The following PSKH2 variants were observed in gnomAD, a reference collection of about 807,000 sequenced individuals.
PSKH2 encodes serine/threonine-protein kinase H2.
A neutral mutation model predicts 22.5 loss-of-function variants in PSKH2; 16 were observed. The observed-to-expected ratio is 0.71, with a 90% CI of 0.48 to 1.08. The LOEUF (loss-of-function observed/expected upper bound fraction) is 1.08. Ranked by LOEUF, PSKH2 falls within the 50% of genes least tolerant of loss-of-function variation. The pLI is 0.00. For synonymous variants in PSKH2, 188 were observed against 184.8 expected (o/e 1.02, Z -0.14); for missense variants, 516 against 492.8 (o/e 1.05, Z -0.44).
Position 86,069,603 on chromosome 8 carries a change from C to A in PSKH2, c.20G>T (p.Arg7Met). 1 of 1,592,146 alleles carries A rather than the reference C, an allele frequency of 6.3e-7. No homozygotes were observed. The highest frequency in any genetic ancestry group is 8.5e-7 in the Non-Finnish European group (1 of 1,171,822). MGCGAS[R>M]KVVPGPPALA... Reference sequence around the variant, plus strand: ...CGCTGGTGGCCCCGGGACCACCTTCCTGCTGGCGCCGCACCCCATACCCGC... The same window carrying A: ...CGCTGGTGGCCCCGGGACCACCTTCATGCTGGCGCCGCACCCCATACCCGC... Residue 7 changes from arginine to methionine, a missense_variant, in exon 1 of 3, where the codon AGG (arginine) becomes ATG (methionine). By Grantham distance (91) the Arg-to-Met change is moderately conservative. Coordinates refer to ENST00000276616, the MANE Select transcript of PSKH2 (RefSeq NM_033126.3).
intron 2 of PSKH2, among the ~76,000 whole-genome samples, chr8:86,059,106 A>AT (rs565105658): frequency 1.2e-3 from 183 of 152,066 alleles, no homozygotes; most frequent in African/African-American, 4.3e-3. Flanking sequence ...TGTGTGGCTA[A>AT]TTTTTTGTAT....
At chr8:86,061,515 G>GTGCTATTTT (rs1379280205) in intron 2 of PSKH2, among the ~76,000 whole-genome samples, 2 of 152,052 alleles carry the variant, frequency 1.3e-5, no homozygotes, top group Non-Finnish European at 2.9e-5. Context: ...ACATGGAGCT[G>GTGCTATTTT]TGCTATTTTC....
At chr8:86,058,316 C>T (rs1817732333) in intron 2 of PSKH2, among the ~76,000 whole-genome samples, 2 of 152,184 alleles carry the variant, frequency 1.3e-5, no homozygotes, top group Admixed American at 1.3e-4. Flanking sequence ...CCAGTGAATA[C>T]AGTAGATGTA....
chr8:86,050,972 C>G (rs1384364546), intron 2 of PSKH2, among the ~76,000 whole-genome samples: 1 of 152,136 alleles, frequency 6.6e-6, no homozygotes, highest in Non-Finnish European at 1.5e-5. Context: ...TGAACTCCTC[C>G]TGGTCTCAAG....
At chr8:86,062,115 C>T (rs773615878) in intron 2 of PSKH2, among the ~76,000 whole-genome samples, 16 of 152,170 alleles carry the variant, frequency 1.1e-4, no homozygotes, top group East Asian at 7.7e-4. Context: ...TTTTCCCACA[C>T]GAATGTGATC....
chr8:86,052,319 C>T (rs984867500), intron 2 of PSKH2, among the ~76,000 whole-genome samples: 2 of 152,128 alleles, frequency 1.3e-5, no homozygotes, highest in African/African-American at 4.8e-5. Flanking sequence ...CTTTGTTTGG[C>T]GTTTCTCGAC....
intron 2 of PSKH2, among the ~76,000 whole-genome samples, chr8:86,061,738 G>A (rs1008731754): frequency 4.6e-5 from 7 of 152,094 alleles, no homozygotes; most frequent in African/African-American, 7.2e-5. Context: ...CCAGCCATCC[G>A]CACCAAGATG....
In PSKH2 at chr8:86,064,312, C is replaced by T. The variant is rs1265034598; in HGVS notation, c.505G>A (p.Asp169Asn). ...AGCGCATGCAAATACCTAATCCCAT[C>T]AGCAACCATCTGGAGGATCCTGACG... ...DAVRILQMVA[D>N]GIRYLHALQI... The change falls in exon 2 of 3, where the codon GAT (aspartate) becomes AAT (asparagine). Residue 169 changes from aspartate to asparagine, a missense_variant. Asp to Asn is a conservative substitution (Grantham distance 23, BLOSUM62 1). Coordinates refer to ENST00000276616, the MANE Select transcript of PSKH2 (RefSeq NM_033126.3). 1.9e-6 allele frequency: 3 copies of T among 1,614,148 alleles called. No homozygotes were observed. Among genetic ancestry groups the T allele is most frequent in the Non-Finnish European group, 2.5e-6 (3 of 1,180,020 alleles).
Position 86,064,561 on chromosome 8 carries a change from T to G in PSKH2, c.256A>C (p.Lys86Gln). ...RVVRVEQKTTKKPFAIKVMET... is the reference protein window; with the variant it reads ...RVVRVEQKTTQKPFAIKVMET... The stretch of plus-strand genomic sequence containing the variant: ...ATCACTTTTATTGCAAAAGGTTTCT[T>G]GGTGGTCTTCTGCTCTACCCTGACA... Residue 86 changes from lysine (K) to glutamine (Q), a missense_variant, in exon 2 of 3, where the codon AAG becomes CAG. Lys to Gln is a moderately conservative substitution (Grantham distance 53). Coordinates refer to ENST00000276616, the MANE Select transcript of PSKH2 (RefSeq NM_033126.3). 1.2e-6 allele frequency: 2 copies of G among 1,613,968 alleles called. No individual in the cohort carries two copies. Among genetic ancestry groups the G allele is most frequent in the Non-Finnish European group, 1.7e-6 (2 of 1,179,962 alleles).
At position 86,064,520 on chromosome 8, in the gene PSKH2, C is replaced by T; in HGVS notation, c.297G>A (p.Arg99=). 1 of 1,614,042 alleles carries T rather than the reference C, an allele frequency of 6.2e-7. No homozygotes were observed. The highest frequency in any genetic ancestry group is 8.5e-7 in the Non-Finnish European group (1 of 1,180,022). The change falls in exon 2 of 3, where the codon AGG becomes AGA. Residue 99 remains arginine (R), a synonymous_variant. Coordinates refer to ENST00000276616, the MANE Select transcript of PSKH2 (RefSeq NM_033126.3). ...FAIKVMETRE[R]EGREACVSEL... ...CAGACACGCACGCTTCTCTACCTTCCCTCTCTCTGGTTTCCATCACTTTTA... is the reference window on the plus strand; with the variant it reads ...CAGACACGCACGCTTCTCTACCTTCTCTCTCTCTGGTTTCCATCACTTTTA...
chr8:86,056,905 T>G (rs1817703878), intron 2 of PSKH2, among the ~76,000 whole-genome samples: 1 of 38,644 alleles, frequency 2.6e-5, no homozygotes, highest in Admixed American at 2.2e-4. Flanking sequence ...GTAGTTGGAG[T>G]TTTTTTTTTT....
chr8:86,049,832 C>CAG (rs981280739), intron 2 of PSKH2, among the ~76,000 whole-genome samples: 4 of 136,784 alleles, frequency 2.9e-5, no homozygotes, highest in South Asian at 4.8e-4. Flanking sequence ...GGAAGAAAGG[C>CAG]AGAGAGAGAG....
chr8:86,066,826 C>A (rs980528806), intron 1 of PSKH2, among the ~76,000 whole-genome samples: 10 of 152,098 alleles, frequency 6.6e-5, no homozygotes, highest in Admixed American at 3.3e-4. Context: ...AAACAGATAG[C>A]AATTTAGTAA....
chr8:86,057,264 A>C (rs1180342134), intron 2 of PSKH2, among the ~76,000 whole-genome samples: 1 of 138,052 alleles, frequency 7.2e-6, no homozygotes, highest in Non-Finnish European at 1.5e-5. Flanking sequence ...AGTTTTTCAA[A>C]ATACTTAATA....
In PSKH2 at chr8:86,049,736, AAGAAAGAAAG is replaced by A. The variant is rs1390564575; in HGVS notation, c.853-979_853-970del. On this transcript the variant is annotated intron_variant, in intron 2 of 2. Transcript: ENST00000276616. ...AAAGAAAGAAAGAAAGAAAGAAAGA[AAGAAAGAAAG>A]AAACGAAAGAAAGAAAGAAAGAGAA... 7.3e-4 allele frequency among the ~76,000 whole-genome samples: 27 copies of A among 37,092 alleles called. 1 individual carries two copies. Among genetic ancestry groups the A allele is most frequent in the South Asian group, 4.5e-3 (4 of 886 alleles). The allele number at this position is 37,092 out of a possible 152,430, so 24.3% of individuals were successfully genotyped here. A position where few individuals can be genotyped will look rare whatever the true frequency, so the allele number is the denominator to read the frequency against.
At chr8:86,062,553 G>A (rs1286014028) in intron 2 of PSKH2, among the ~76,000 whole-genome samples, 1 of 152,068 alleles carries the variant, frequency 6.6e-6, no homozygotes, top group African/African-American at 2.4e-5. Flanking sequence ...TCATGATAGT[G>A]AGCGAGTTCT....
Position 86,048,365 on chromosome 8 carries a change from C to G in PSKH2, c.*97G>C, listed in dbSNP as rs889976181. ...AAAAGTCAAGATCAATAGTATCCAA[C>G]AATACCATGGAGTCCCGTGTCTTTG... On this transcript the variant is annotated 3_prime_UTR_variant, in exon 3 of 3. Coordinates refer to ENST00000276616, the MANE Select transcript of PSKH2 (RefSeq NM_033126.3). 1.1e-6 allele frequency: 1 copy of G among 882,918 alleles called. No individual in the cohort carries two copies. The highest frequency in any genetic ancestry group is 1.8e-6 in the Non-Finnish European group (1 of 568,852). 54.7% of individuals were successfully genotyped at this position (882,918 alleles called of 1,614,324 possible). A position where few individuals can be genotyped will look rare whatever the true frequency, so the allele number is the denominator to read the frequency against.
upstream of PSKH2, chr8:86,069,727 G>A (rs543914871): frequency 2.3e-6 from 3 of 1,298,812 alleles, no homozygotes; most frequent in Non-Finnish European, 3.0e-6. Context: ...GGGACCCTCG[G>A]AAAGAAACCC....
rs768373520 is a variant in PSKH2 at position 86,048,695 on chromosome 8, T to A, written c.925A>T (p.Met309Leu). ...KLLILEAGHR[M>L]SAGQALDHPW... Reference sequence around the variant, plus strand: ...TGGTCCAGGGCCTGGCCAGCTGACATGCGATGACCAGCCTCCAAAATCAGT... The same window carrying A: ...TGGTCCAGGGCCTGGCCAGCTGACAAGCGATGACCAGCCTCCAAAATCAGT... Residue 309 changes from methionine to leucine, a missense_variant, in exon 3 of 3, where the codon ATG becomes TTG. Physicochemically the swap from Met to Leu is conservative, Grantham distance 15 (BLOSUM62 2). Transcript: ENST00000276616. 3 of 1,614,092 alleles carry A rather than the reference T, an allele frequency of 1.9e-6. No homozygotes were observed. The South Asian group carries it at 3.3e-5, about 18-fold the overall frequency.
Sources: gnomAD v4.1 joint callset for allele counts (sites outside exome capture counted in the v4.1 genomes callset) on GRCh38, gnomAD v4.1.1 for gene constraint, MANE v1.5 for transcripts, NCBI Gene and HGNC (gene_info 2026-07-23, HGNC 2026-07-21) for gene names.